Variants in WDPCP observed in about 807,000 individuals in gnomAD.
WDPCP encodes the protein WD repeat-containing and planar cell polarity effector protein fritz homolog.
In WDPCP, 71 loss-of-function variants were observed where a neutral mutation model predicts 93.1. That is an observed-to-expected ratio of 0.76 (90% CI 0.63 to 0.93). The LOEUF (loss-of-function observed/expected upper bound fraction) is 0.93, where lower values mean the gene tolerates loss of function less well. Among genes scored for constraint, WDPCP ranks in the 40% least tolerant of loss-of-function variants. WDPCP has a pLI of 0.00. For synonymous variants in WDPCP, 315 were observed against 315.0 expected, an observed-to-expected ratio of 1.00 and a Z score of 0.00; for missense variants, 844 against 887.4, an observed-to-expected ratio of 0.95 and a Z score of 0.62.
chr2:63,698,969 A>T (rs1669000311), intron 2 of WDPCP, among the ~76,000 whole-genome samples: 1 of 152,124 alleles, frequency 6.6e-6, no homozygotes, highest in Non-Finnish European at 1.5e-5. Flanking sequence ...GGATTTCCTG[A>T]GGGAAGCTAT....
intron 2 of WDPCP, among the ~76,000 whole-genome samples, chr2:63,742,191 CTGT>C (rs1318119153): frequency 6.6e-6 from 1 of 151,558 alleles, no homozygotes; most frequent in Non-Finnish European, 1.5e-5. Flanking sequence ...TGTCAGTAGC[CTGT>C]TGTTCTTTCT....
intron 1 of WDPCP, among the ~76,000 whole-genome samples, chr2:63,500,513 G>A (rs1701487557): frequency 6.7e-6 from 1 of 149,610 alleles, no homozygotes; most frequent in East Asian, 2.0e-4. Context: ...AAACTTGTTG[G>A]TTCTGAATTT....
At chr2:63,682,881 T>C (rs1195814675) in intron 2 of WDPCP, among the ~76,000 whole-genome samples, 2 of 151,688 alleles carry the variant, frequency 1.3e-5, no homozygotes, top group East Asian at 1.9e-4. Context: ...ACAATAACTA[T>C]AACAACTTTT....
chr2:63,599,126 A>G, intron 3 of WDPCP: 1 of 1,580,196 alleles, frequency 6.3e-7, no homozygotes, highest in African/African-American at 1.4e-5. Context: ...ATTAGTTAGT[A>G]ACTATATAGT....
chr2:63,546,426 G>C (rs1344644677), intron 1 of WDPCP, among the ~76,000 whole-genome samples: 2 of 152,148 alleles, frequency 1.3e-5, no homozygotes, highest in East Asian at 1.9e-4. Context: ...AACATAAAAG[G>C]GAAAGAAAAG....
At chr2:63,439,900 G>C in intron 6 of WDPCP, 29 bp from the exon 7 acceptor site, 16 of 1,539,934 alleles carry the variant, frequency 1.0e-5, no homozygotes, top group Non-Finnish European at 1.4e-5. Flanking sequence ...GGGAGAGAGG[G>C]AGGAAGACAT....
intron 10 of WDPCP, among the ~76,000 whole-genome samples, chr2:63,383,614 G>A (rs1165284940): frequency 6.6e-6 from 1 of 152,152 alleles, no homozygotes; most frequent in Non-Finnish European, 1.5e-5. Context: ...TCGGGAGGCT[G>A]CAGCAGGAGA....
chr2:63,670,406 C>A (rs1385838527), intron 2 of WDPCP, among the ~76,000 whole-genome samples: 1 of 152,082 alleles, frequency 6.6e-6, no homozygotes, highest in Non-Finnish European at 1.5e-5. Context: ...GAGTTAGAAC[C>A]TAAGGAAAGT....
chr2:63,802,646 T>A lies in WDPCP; in HGVS notation n.308+10976A>T, dbSNP rs1670713563. Among the ~76,000 whole-genome samples the A allele has an allele frequency of 2.0e-5, 3 of 152,132 alleles. 1 individual carries two copies. In the South Asian group the frequency reaches 6.2e-4, roughly 32 times the overall value. On this transcript the variant is annotated intron_variant and non_coding_transcript_variant, in intron 2 of 4. Transcript: ENST00000467687. Reference sequence around the variant, plus strand: ...TTTTAATTGCATAGAATTCACAACATCTCACCTAAGAATTTTGCTGCATTG... The same window carrying A: ...TTTTAATTGCATAGAATTCACAACAACTCACCTAAGAATTTTGCTGCATTG...
intron 2 of WDPCP, among the ~76,000 whole-genome samples, chr2:63,664,198 A>C (rs908655979): frequency 6.6e-6 from 1 of 152,188 alleles, no homozygotes; most frequent in Non-Finnish European, 1.5e-5. Context: ...CAAAGTTGTG[A>C]CCATCAAAGT....
At chr2:63,441,311 T>A (rs1697487720) in intron 6 of WDPCP, 1 of 152,102 alleles carries the variant, frequency 6.6e-6, no homozygotes, top group Non-Finnish European at 1.5e-5. Context: ...AATCCCCCCA[T>A]AGCAACACAG....
chr2:63,193,744 A>T (rs533825067), intron 14 of WDPCP, among the ~76,000 whole-genome samples: 21 of 152,250 alleles, frequency 1.4e-4, no homozygotes, highest in East Asian at 3.9e-4. Context: ...GATTTTTTTT[A>T]AAAAAGTAAA....
intron 14 of WDPCP, among the ~76,000 whole-genome samples, chr2:63,216,951 T>C (rs1049552736): frequency 3.3e-5 from 5 of 152,188 alleles, no homozygotes; most frequent in Admixed American, 1.3e-4. Context: ...CCAATAATTA[T>C]TCTGGCAATT....
intron 14 of WDPCP, among the ~76,000 whole-genome samples, chr2:63,190,812 TG>T (rs923841603): frequency 2.0e-5 from 3 of 148,710 alleles, no homozygotes; most frequent in African/African-American, 7.5e-5. Context: ...AGAATTTTGG[TG>T]GGGGTGGGGT....
intron 6 of WDPCP, among the ~76,000 whole-genome samples, chr2:63,457,381 T>C (rs1457813870): frequency 2.0e-5 from 3 of 152,124 alleles, no homozygotes; most frequent in East Asian, 1.9e-4. Flanking sequence ...TGCAGAATTC[T>C]ACCACATGTA....
At chr2:63,709,258 T>C (rs1669223744) in intron 2 of WDPCP, among the ~76,000 whole-genome samples, 1 of 151,532 alleles carries the variant, frequency 6.6e-6, no homozygotes, top group Non-Finnish European at 1.5e-5. Flanking sequence ...GAGGTTGCAG[T>C]GAGCCAAGAT....
chr2:63,445,522 G>T (rs1697796697), intron 6 of WDPCP, among the ~76,000 whole-genome samples: 1 of 152,000 alleles, frequency 6.6e-6, no homozygotes, highest in Non-Finnish European at 1.5e-5. Context: ...TTCCATAAAA[G>T]AAAAGTGATC....
At chr2:63,541,228 C>T (rs1363958084) in intron 1 of WDPCP, among the ~76,000 whole-genome samples, 1 of 152,138 alleles carries the variant, frequency 6.6e-6, no homozygotes, top group East Asian at 1.9e-4. Flanking sequence ...CCACCTTGGC[C>T]TCCCAAAGTG....
At chr2:63,233,338 C>T in intron 14 of WDPCP, 3 of 277,828 alleles carry the variant, frequency 1.1e-5, no homozygotes, top group South Asian at 4.9e-5. Flanking sequence ...TCATCATTTG[C>T]CACACAGAAA....
Sources: gnomAD v4.1 joint callset for allele counts (sites outside exome capture counted in the v4.1 genomes callset) on GRCh38, gnomAD v4.1.1 for gene constraint, MANE v1.5 for transcripts, NCBI Gene and HGNC (gene_info 2026-07-23, HGNC 2026-07-21) for gene names.